Variants in DLEU7 observed in about 807,000 individuals in gnomAD.
DLEU7 encodes leukemia-associated protein 7.
DLEU7 carries 17 observed loss-of-function variants against 16.0 expected under a neutral mutation model. The ratio of observed to expected loss-of-function variants is 1.06; its 90% CI spans 0.73 to 1.59. The LOEUF (loss-of-function observed/expected upper bound fraction) is 1.59, where lower values mean the gene tolerates loss of function less well. Ranked by LOEUF, DLEU7 falls within the 40% of genes most tolerant of loss-of-function variation. The pLI is 0.00. For missense variants in DLEU7, 308 were observed against 314.9 expected, an observed-to-expected ratio of 0.98 and a Z score of 0.17; for synonymous variants, 113 against 139.8, an observed-to-expected ratio of 0.81 and a Z score of 1.35.
chr13:50,740,848 G>T (rs567009517), intron 1 of DLEU7, among the ~76,000 whole-genome samples: 11 of 152,086 alleles, frequency 7.2e-5, no homozygotes, highest in Non-Finnish European at 1.5e-4. Flanking sequence ...GACTGTTCCT[G>T]CTTATAAGTG....
At chr13:50,832,135 G>T (rs1391979148) in intron 1 of DLEU7, among the ~76,000 whole-genome samples, 1 of 152,060 alleles carries the variant, frequency 6.6e-6, no homozygotes, top group East Asian at 1.9e-4. Flanking sequence ...TAGTTGGTAG[G>T]TTATTAATTA....
At chr13:50,795,580 A>G (rs542763517) in intron 1 of DLEU7, among the ~76,000 whole-genome samples, 7 of 152,326 alleles carry the variant, frequency 4.6e-5, no homozygotes, top group African/African-American at 1.7e-4. Context: ...TTTTTCTTCA[A>G]TATTTCTAAA....
At chr13:50,767,054 G>A (rs1875135375) in intron 1 of DLEU7, among the ~76,000 whole-genome samples, 1 of 152,150 alleles carries the variant, frequency 6.6e-6, no homozygotes, top group African/African-American at 2.4e-5. Context: ...GTCCATTTCT[G>A]TTATCCTACA....
intron 1 of DLEU7, among the ~76,000 whole-genome samples, chr13:50,721,473 T>TA (rs5803527): frequency 6.0e-5 from 9 of 150,552 alleles, no homozygotes; most frequent in East Asian, 5.8e-4. Context: ...CATCTAGCAT[T>TA]AAAAAAAAAT....
At chr13:50,837,771 C>G (rs1002719091) in intron 1 of DLEU7, among the ~76,000 whole-genome samples, 1 of 151,996 alleles carries the variant, frequency 6.6e-6, no homozygotes, top group African/African-American at 2.4e-5. Flanking sequence ...TTATTATTAC[C>G]GTTAAAAGGC....
intron 1 of DLEU7, among the ~76,000 whole-genome samples, chr13:50,773,772 A>T (rs1030456223): frequency 6.6e-6 from 1 of 152,204 alleles, no homozygotes; most frequent in African/African-American, 2.4e-5. Flanking sequence ...CTCAGAGCTC[A>T]AACTCCGTGC....
intron 1 of DLEU7, among the ~76,000 whole-genome samples, chr13:50,754,255 T>C (rs142242786): frequency 5.3e-4 from 81 of 152,360 alleles, no homozygotes; most frequent in African/African-American, 1.9e-3. Flanking sequence ...ACCTGTCTAG[T>C]GCTATCAGTG....
At chr13:50,837,609 T>C (rs1318318973) in intron 1 of DLEU7, among the ~76,000 whole-genome samples, 1 of 152,208 alleles carries the variant, frequency 6.6e-6, no homozygotes, top group Non-Finnish European at 1.5e-5. Flanking sequence ...CTATGGCTAC[T>C]GATTATATAA....
rs1292309270 is a variant in DLEU7 at position 50,749,280 on chromosome 13, T to TTA, written c.460-36042_460-36041dup. Among the ~76,000 whole-genome samples, 5 of 152,116 alleles carry TTA rather than the reference T, an allele frequency of 3.3e-5. No individual in the cohort carries two copies. The South Asian group carries it at 1.0e-3, about 31-fold the overall frequency. On this transcript the variant is annotated intron_variant, in intron 1 of 1. Transcript: ENST00000400393. The stretch of plus-strand genomic sequence containing the variant: ...TATACATATATTTATATATCTATTT[T>TTA]TATATATCTATATAGATGTAGATAT...
chr13:50,767,968 C>CTT (rs916501023), intron 1 of DLEU7, among the ~76,000 whole-genome samples: 3 of 152,196 alleles, frequency 2.0e-5, no homozygotes, highest in Admixed American at 2.0e-4. Flanking sequence ...CTGTGACTTG[C>CTT]TTTTGTTTTC....
intron 1 of DLEU7, among the ~76,000 whole-genome samples, chr13:50,777,139 G>A (rs1723887705): frequency 6.6e-6 from 1 of 152,096 alleles, no homozygotes; most frequent in Admixed American, 6.6e-5. Flanking sequence ...TTACTTTCCT[G>A]GCTACGGAAA....
chr13:50,800,857 T>C (rs987774057), intron 1 of DLEU7, among the ~76,000 whole-genome samples: 3 of 152,132 alleles, frequency 2.0e-5, no homozygotes, highest in African/African-American at 7.2e-5. Flanking sequence ...TCTCCTTATG[T>C]TTTCCTGGTG....
chr13:50,713,298 G>A, intron 1 of DLEU7: 1 of 1,566,378 alleles, frequency 6.4e-7, no homozygotes, highest in Admixed American at 1.8e-5. Context: ...TATATTCATT[G>A]ATTCAACAAT....
intron 1 of DLEU7, among the ~76,000 whole-genome samples, chr13:50,810,215 A>G (rs1335183941): frequency 2.0e-5 from 3 of 151,950 alleles, no homozygotes; most frequent in Non-Finnish European, 2.9e-5. Context: ...TAAAAAGCTA[A>G]ATTCTCTTAA....
chr13:50,786,870 CAT>C (rs1298380776), intron 1 of DLEU7, among the ~76,000 whole-genome samples: 1 of 152,102 alleles, frequency 6.6e-6, no homozygotes, highest in East Asian at 1.9e-4. Context: ...TAATGTCCAA[CAT>C]GCCATAAATC....
At chr13:50,801,753 A>G (rs917895821) in intron 1 of DLEU7, among the ~76,000 whole-genome samples, 3 of 152,124 alleles carry the variant, frequency 2.0e-5, no homozygotes, top group African/African-American at 7.2e-5. Context: ...TGTTTACACC[A>G]AGTTAGGGAG....
At chr13:50,827,792 T>C (rs1431829163) in intron 1 of DLEU7, among the ~76,000 whole-genome samples, 1 of 152,098 alleles carries the variant, frequency 6.6e-6, no homozygotes, top group Non-Finnish European at 1.5e-5. Context: ...CTAAAAAAGA[T>C]AGTAGTAAGC....
At chr13:50,766,153 A>G (rs1875098974) in intron 1 of DLEU7, among the ~76,000 whole-genome samples, 1 of 152,188 alleles carries the variant, frequency 6.6e-6, no homozygotes, top group African/African-American at 2.4e-5. Flanking sequence ...TTTGGCACAA[A>G]ATGTACCAAT....
At chr13:50,746,586 C>T (rs900347324) in intron 1 of DLEU7, among the ~76,000 whole-genome samples, 1 of 152,166 alleles carries the variant, frequency 6.6e-6, no homozygotes, top group Non-Finnish European at 1.5e-5. Context: ...GTATGAATCA[C>T]TTTTCAGTAT....
Sources: gnomAD v4.1 joint callset for allele counts (sites outside exome capture counted in the v4.1 genomes callset) on GRCh38, gnomAD v4.1.1 for gene constraint, MANE v1.5 for transcripts, NCBI Gene and HGNC (gene_info 2026-07-23, HGNC 2026-07-21) for gene names.